Variants in ZNF398 observed in about 807,000 individuals in gnomAD.
ZNF398 encodes the protein zinc finger protein 398, also known as zinc finger DNA binding protein ZER6.
In ZNF398, 18 loss-of-function variants were observed where a neutral mutation model predicts 41.9. The ratio of observed to expected loss-of-function variants is 0.43; its 90% CI spans 0.30 to 0.64. ZNF398 has a LOEUF of 0.64. ZNF398 is among the 30% of genes least tolerant of loss of function. The pLI is 0.14. For missense variants in ZNF398, 669 were observed against 822.8 expected, an observed-to-expected ratio of 0.81 and a Z score of 2.29; for synonymous variants, 260 against 308.8, an observed-to-expected ratio of 0.84 and a Z score of 1.66.
intron 2 of ZNF398, among the ~76,000 whole-genome samples, chr7:149,159,205 G>T (rs1008527887): frequency 2.6e-5 from 4 of 151,798 alleles, no homozygotes; most frequent in South Asian, 4.2e-4. Context: ...GTCTCCCAAA[G>T]TGCTGGGATT....
chr7:149,138,649 TTG>T (rs71192758), intron 2 of ZNF398, among the ~76,000 whole-genome samples: 1 of 152,004 alleles, frequency 6.6e-6, no homozygotes, highest in African/African-American at 2.4e-5. Context: ...TAAATAAATA[TTG>T]TGTGTGTGTA....
chr7:149,156,076 G>T (rs1261574165), intron 2 of ZNF398, among the ~76,000 whole-genome samples: 1 of 152,146 alleles, frequency 6.6e-6, no homozygotes, highest in South Asian at 2.1e-4. Context: ...AGGATGGATC[G>T]TAGGGGAAGA....
chr7:149,178,794 C>T lies in ZNF398; in HGVS notation c.922C>T (p.Pro308Ser), dbSNP rs917502080. The T allele has an allele frequency of 6.2e-7, 1 of 1,614,088 alleles. No individual in the cohort carries two copies. Among genetic ancestry groups the T allele is most frequent in the Non-Finnish European group, 8.5e-7 (1 of 1,180,050 alleles). ...FKSQQSTSMT[P>S]FGRPATDLPE... ...AAGCCAGCAGTCTACATCCATGACA[C>T]CTTTTGGACGTCCAGCCACTGACCT... The change falls in exon 6 of 6, where the codon CCT (proline) becomes TCT (serine). Residue 308 changes from proline to serine, a missense_variant. By Grantham distance (74) the Pro-to-Ser change is moderately conservative. Around this residue, in one of 3 missense-constraint regions of ZNF398, gnomAD observed 290 missense variants for 292.9 expected, o/e 0.99. Coordinates refer to ENST00000475153, the MANE Select transcript of ZNF398 (RefSeq NM_170686.3).
At position 149,134,939 on chromosome 7, in the gene ZNF398, C is replaced by T. The variant is rs148562125; in HGVS notation, c.-490+5995C>T. ...AGAGAAGGGGTTTCATCATGTTGGC[C>T]AGGCTGGTCTGGAATCCCTGGGCTC... On this transcript the variant is annotated intron_variant, in intron 2 of 6. Transcript: ENST00000426851. 9.6e-3 allele frequency among the ~76,000 whole-genome samples: 1,465 copies of T among 152,226 alleles called. 19 individuals carry two copies. The highest frequency in any genetic ancestry group is 9.9e-3 in the Non-Finnish European group (674 of 68,016).
chr7:149,144,336 G>A (rs1318789941), upstream of ZNF398, among the ~76,000 whole-genome samples: 2 of 152,060 alleles, frequency 1.3e-5, no homozygotes, highest in African/African-American at 4.8e-5. Flanking sequence ...TTGGAGATGG[G>A]ATGTCAGTCT....
chr7:149,127,716 CA>C (rs754617731), intron 1 of ZNF398, among the ~76,000 whole-genome samples: 4 of 150,868 alleles, frequency 2.7e-5, no homozygotes, highest in Admixed American at 1.3e-4. Context: ...GACTCCATCT[CA>C]AAAAAACCAA....
Position 149,178,780 on chromosome 7 carries a change from C to G in ZNF398, c.908C>G (p.Ser303Cys). Residue 303 changes from serine to cysteine, a missense_variant, in exon 6 of 6, where the codon TCT (serine) becomes TGT (cysteine). Coordinates refer to ENST00000475153, the MANE Select transcript of ZNF398 (RefSeq NM_170686.3). ...GATGTGGCTTTCAAAAGCCAGCAGT[C>G]TACATCCATGACACCTTTTGGACGT... The part of the protein sequence containing the change: ...FSDVAFKSQQ[S>C]TSMTPFGRPA... The G allele has an allele frequency of 6.2e-7, 1 of 1,614,214 alleles. No homozygotes were observed. The highest frequency in any genetic ancestry group is 1.3e-5 in the African/African-American group (1 of 75,056).
chr7:149,158,688 G>A lies in ZNF398; in HGVS notation c.420+4348G>A, dbSNP rs1795034299. ...TGTCTCTACTGAAAATACAAAATTA[G>A]CTGGGCATGGTGGCGCATTCCTCTA... is the stretch of plus-strand genomic sequence containing the variant. On this transcript the variant is annotated intron_variant, in intron 2 of 5. Transcript: ENST00000475153. Among the ~76,000 whole-genome samples, 5 of 151,892 alleles carry A rather than the reference G, an allele frequency of 3.3e-5. No individual in the cohort carries two copies. In the South Asian group the frequency reaches 1.0e-3, roughly 32 times the overall value.
intron 2 of ZNF398, among the ~76,000 whole-genome samples, chr7:149,157,836 CAAAAAA>C (rs67225033): frequency 3.3e-5 from 2 of 59,734 alleles, no homozygotes; most frequent in Non-Finnish European, 6.7e-5. Context: ...GACTCTGTCT[CAAAAAA>C]AAAAAAAAAA....
At chr7:149,129,916 T>C (rs903210290) in intron 2 of ZNF398, among the ~76,000 whole-genome samples, 1 of 152,150 alleles carries the variant, frequency 6.6e-6, no homozygotes, top group Non-Finnish European at 1.5e-5. Flanking sequence ...TTCTCCTGCC[T>C]CAGCCTCCCT....
At chr7:149,139,634 T>C (rs1014901081) in intron 2 of ZNF398, among the ~76,000 whole-genome samples, 1 of 151,490 alleles carries the variant, frequency 6.6e-6, no homozygotes, top group Non-Finnish European at 1.5e-5. Flanking sequence ...GGCAGGAAAA[T>C]CACTTGAACC....
At chr7:149,158,343 C>A (rs1795028902) in intron 2 of ZNF398, among the ~76,000 whole-genome samples, 1 of 152,016 alleles carries the variant, frequency 6.6e-6, no homozygotes, top group African/African-American at 2.4e-5. Flanking sequence ...CTGAATGGAG[C>A]AGATTTTGAA....
chr7:149,143,611 C>T (rs1035827240), upstream of ZNF398, among the ~76,000 whole-genome samples: 7 of 152,140 alleles, frequency 4.6e-5, no homozygotes, highest in East Asian at 1.2e-3. Context: ...GTCAGTAGTT[C>T]GAGACCAGCC....
intron 4 of ZNF398, among the ~76,000 whole-genome samples, chr7:149,167,755 C>T (rs981187732): frequency 3.3e-5 from 5 of 150,636 alleles, no homozygotes; most frequent in African/African-American, 9.8e-5. Context: ...GGACTACAGG[C>T]GCCCGCCACC....
chr7:149,143,389 A>G (rs1354804101), upstream of ZNF398, among the ~76,000 whole-genome samples: 1 of 152,260 alleles, frequency 6.6e-6, no homozygotes, highest in African/African-American at 2.4e-5. Context: ...ATGTGCCATC[A>G]GTGTATTTTT....
Position 149,147,783 on chromosome 7 carries a change from G to T in ZNF398, c.24+17G>T. On this transcript the variant is annotated intron_variant, in intron 1 of 5. Transcript: ENST00000475153. This position sits in a 1 kb window ranked among gnomAD's most constrained non-coding sequence, Gnocchi z 5.6. ...CCGGCCCCGGTAAGGGCGGCCGCGC[G>T]CGAGTGTTGTGAGCCCCCGAGACCC... 1 of 1,396,340 alleles carries T rather than the reference G, an allele frequency of 7.2e-7. No individual in the cohort carries two copies. The highest frequency in any genetic ancestry group is 3.1e-5 in the Admixed American group (1 of 32,360). 86.5% of individuals were successfully genotyped at this position (1,396,340 alleles called of 1,614,324 possible). A position where few individuals can be genotyped will look rare whatever the true frequency, so the allele number is the denominator to read the frequency against.
intron 1 of ZNF398, among the ~76,000 whole-genome samples, chr7:149,128,510 G>GCCTCAGC (rs1365924226): frequency 2.0e-5 from 3 of 152,048 alleles, no homozygotes. Context: ...ACTTTGGGAG[G>GCCTCAGC]CTGAGGCAGT....
At chr7:149,169,247 G>A (rs1795282323) in intron 4 of ZNF398, among the ~76,000 whole-genome samples, 2 of 152,122 alleles carry the variant, frequency 1.3e-5, no homozygotes, top group African/African-American at 4.8e-5. Flanking sequence ...ACCATGCCCA[G>A]CTAATTTTTG....
rs760689813 is a variant in ZNF398, at chr7:149,178,913, C to T, written c.1041C>T (p.His347=). Residue 347 remains histidine (H), a synonymous_variant, in exon 6 of 6, where the codon CAC becomes CAT. Coordinates refer to ENST00000475153, the MANE Select transcript of ZNF398 (RefSeq NM_170686.3). ...PVGEQVFSCH[H]CGKNLSQDML... ...GCGAGCAGGTGTTCTCATGCCACCACTGTGGCAAGAATCTCAGCCAAGACA... is the reference window on the plus strand; with the variant it reads ...GCGAGCAGGTGTTCTCATGCCACCATTGTGGCAAGAATCTCAGCCAAGACA... 2 of 1,614,206 alleles carry T rather than the reference C, an allele frequency of 1.2e-6. No individual in the cohort carries two copies. The highest frequency in any genetic ancestry group is 2.2e-5 in the East Asian group (1 of 44,888).
Sources: gnomAD v4.1 joint callset for allele counts (sites outside exome capture counted in the v4.1 genomes callset) on GRCh38, gnomAD v4.1.1 for gene constraint, gnomAD v4.1.1 regional missense constraint, Gnocchi (gnomAD v3.1) non-coding constraint, MANE v1.5 for transcripts, NCBI Gene and HGNC (gene_info 2026-07-23, HGNC 2026-07-21) for gene names.